The following TNFRSF10B variants were observed in gnomAD, a reference collection of about 807,000 sequenced individuals.
TNFRSF10B encodes tumor necrosis factor receptor superfamily member 10B.
A neutral mutation model predicts 41.4 loss-of-function variants in TNFRSF10B; 35 were observed. The observed-to-expected ratio is 0.85, with a 90% confidence interval of 0.65 to 1.12. The LOEUF (loss-of-function observed/expected upper bound fraction) is 1.12, where lower values mean the gene tolerates loss of function less well. Among genes scored for constraint, TNFRSF10B ranks in the 50% most tolerant of loss-of-function variants. TNFRSF10B has a pLI of 0.00. For synonymous variants in TNFRSF10B, 230 were observed against 215.5 expected (o/e 1.07, Z -0.59); for missense variants, 584 against 552.7 (o/e 1.06, Z -0.57).
At chr8:23,044,282 C>G (rs1267309267) in intron 1 of TNFRSF10B, among the ~76,000 whole-genome samples, 3 of 152,102 alleles carry the variant, frequency 2.0e-5, no homozygotes, top group Non-Finnish European at 4.4e-5. Flanking sequence ...TGAATGTGAT[C>G]CCCAAAACAC....
rs982283486 is a variant in TNFRSF10B at position 23,020,444 on chromosome 8, C to G, written c.*2227G>C. On this transcript the variant is annotated 3_prime_UTR_variant, in exon 9 of 9. Coordinates refer to ENST00000276431, the MANE Select transcript of TNFRSF10B (RefSeq NM_003842.5). Reference sequence around the variant, plus strand: ...TGGCTGGTGGCTCACGCCTGTAATCCCAGCACTTTCGGAGGCCAAGGTGGA... The same window carrying G: ...TGGCTGGTGGCTCACGCCTGTAATCGCAGCACTTTCGGAGGCCAAGGTGGA... 26 of 453,972 alleles carry G rather than the reference C, an allele frequency of 5.7e-5. No individual in the cohort carries two copies. Among genetic ancestry groups the G allele is most frequent in the Non-Finnish European group, 1.1e-4 (24 of 226,790 alleles). The allele number at this position is 453,972 out of a possible 1,614,324, so 28.1% of individuals were successfully genotyped here.
intron 1 of TNFRSF10B, among the ~76,000 whole-genome samples, chr8:23,059,651 C>A (rs145769344): frequency 1.7e-3 from 257 of 151,800 alleles, no homozygotes; most frequent in Non-Finnish European, 3.1e-3. Context: ...GGACTACAGG[C>A]GCCTGCCACC....
At chr8:23,047,147 C>T (rs532921402) in intron 1 of TNFRSF10B, among the ~76,000 whole-genome samples, 4 of 152,166 alleles carry the variant, frequency 2.6e-5, no homozygotes, top group South Asian at 4.1e-4. Flanking sequence ...AACCTGAGGT[C>T]GGGAGTTCAA....
intron 1 of TNFRSF10B, among the ~76,000 whole-genome samples, chr8:23,065,822 G>GA (rs896265309): frequency 2.7e-5 from 4 of 149,306 alleles, no homozygotes; most frequent in South Asian, 2.1e-4. Flanking sequence ...TACTATGCAT[G>GA]AAAAAAAAAG....
chr8:23,030,180 C>A lies in TNFRSF10B; in HGVS notation c.365-459G>T, dbSNP rs375343710. 3.3e-5 allele frequency among the ~76,000 whole-genome samples: 5 copies of A among 152,334 alleles called. No individual in the cohort carries two copies. The South Asian group carries it at 6.2e-4, about 19-fold the overall frequency. Reference sequence around the variant, plus strand: ...CAGGGGAGAGAGCCTGGCCCCAAAGCAGACCTGTGCCACTGCTGAGATCCA... The same window carrying A: ...CAGGGGAGAGAGCCTGGCCCCAAAGAAGACCTGTGCCACTGCTGAGATCCA... On this transcript the variant is annotated intron_variant, in intron 3 of 8. Coordinates refer to ENST00000276431, the MANE Select transcript of TNFRSF10B (RefSeq NM_003842.5).
chr8:23,050,837 G>A (rs970847375), intron 1 of TNFRSF10B, among the ~76,000 whole-genome samples: 1 of 152,132 alleles, frequency 6.6e-6, no homozygotes, highest in African/African-American at 2.4e-5. Flanking sequence ...ACTTTGGAAG[G>A]CCGAGGCGGG....
chr8:23,037,557 G>T (rs1161635477), intron 2 of TNFRSF10B, among the ~76,000 whole-genome samples: 1 of 152,196 alleles, frequency 6.6e-6, no homozygotes, highest in African/African-American at 2.4e-5. Flanking sequence ...CACAGTCATG[G>T]TATTCACACA....
At position 23,024,222 on chromosome 8, in the gene TNFRSF10B, C is replaced by G. The variant is rs1200981003; in HGVS notation, c.975G>C (p.Leu325=). 1 of 1,614,102 alleles carries G rather than the reference C, an allele frequency of 6.2e-7. No homozygotes were observed. Among genetic ancestry groups the G allele is most frequent in the Non-Finnish European group, 8.5e-7 (1 of 1,179,996 alleles). ...GATCACCTTCATTTGCTGGAACCAG[C>G]AGCCTCCTCCTCTGAGACCTTTCAG... ...AEAERSQRRR[L]LVPANEGDPT... The change falls in exon 8 of 9, where the codon CTG becomes CTC. Residue 325 remains leucine, a synonymous_variant. Coordinates refer to ENST00000276431, the MANE Select transcript of TNFRSF10B (RefSeq NM_003842.5).
intron 2 of TNFRSF10B, among the ~76,000 whole-genome samples, chr8:23,031,810 A>C (rs1811892542): frequency 6.6e-6 from 1 of 152,196 alleles, no homozygotes; most frequent in Non-Finnish European, 1.5e-5. Context: ...TTAAATATGT[A>C]ATCCACATAA....
intron 1 of TNFRSF10B, among the ~76,000 whole-genome samples, chr8:23,058,567 C>T (rs1172281781): frequency 6.6e-6 from 1 of 151,750 alleles, no homozygotes; most frequent in African/African-American, 2.4e-5. Flanking sequence ...CTCACCACAA[C>T]CTCTGCCTCC....
intron 2 of TNFRSF10B, among the ~76,000 whole-genome samples, chr8:23,031,377 A>C (rs1225545418): frequency 8.2e-6 from 1 of 121,428 alleles, no homozygotes; most frequent in Non-Finnish European, 1.7e-5. Context: ...CACCCGGCCT[A>C]TTTATTTATT....
Position 23,022,527 on chromosome 8 carries a change from A to C in TNFRSF10B, c.*144T>G, listed in dbSNP as rs4529462. The C allele has an allele frequency of 1.5e-5, 13 of 844,878 alleles. No individual in the cohort carries two copies. The allele number at this position is 844,878 out of a possible 1,614,324, so 52.3% of individuals were successfully genotyped here. ...TGAAAAGTTACAGGATGTTCCATCC[A>C]CTGGGTGATGTTGGATGGGAGAGTT... On this transcript the variant is annotated 3_prime_UTR_variant, in exon 9 of 9. Transcript: ENST00000276431.
chr8:23,049,466 C>G (rs1297005848), intron 1 of TNFRSF10B, among the ~76,000 whole-genome samples: 7 of 152,092 alleles, frequency 4.6e-5, no homozygotes, highest in African/African-American at 1.4e-4. Context: ...TAGCAGGAGA[C>G]AAGATAAGGG....
chr8:23,029,339 C>A (rs183610030), intron 4 of TNFRSF10B, among the ~76,000 whole-genome samples: 56 of 152,342 alleles, frequency 3.7e-4, no homozygotes, highest in Non-Finnish European at 6.5e-4. Flanking sequence ...TAAATCATTT[C>A]ATGGGCCCCT....
In TNFRSF10B at chr8:23,040,426, A is replaced by AAT. The variant is rs1186144314; in HGVS notation, c.250+2710_250+2711dup. On this transcript the variant is annotated intron_variant, in intron 2 of 8. Coordinates refer to ENST00000276431, the MANE Select transcript of TNFRSF10B (RefSeq NM_003842.5). ...ATATATACAAAATATATATTTATTA[A>AAT]ATATATATATACAAAATATATATTT... Among the ~76,000 whole-genome samples, 3 of 82,876 alleles carry AAT rather than the reference A, an allele frequency of 3.6e-5. 1 individual carries two copies. The highest frequency in any genetic ancestry group is 8.7e-5 in the Non-Finnish European group (3 of 34,482). The allele number at this position is 82,876 out of a possible 152,430, so 54.4% of individuals were successfully genotyped here. A position where few individuals can be genotyped will look rare whatever the true frequency, so the allele number is the denominator to read the frequency against.
chr8:23,033,268 G>A (rs1811930737), intron 2 of TNFRSF10B, among the ~76,000 whole-genome samples: 1 of 152,134 alleles, frequency 6.6e-6, no homozygotes. Flanking sequence ...TTAGATAATA[G>A]CTCAAAGGCA....
intron 1 of TNFRSF10B, among the ~76,000 whole-genome samples, chr8:23,055,090 C>A (rs1280431585): frequency 6.6e-6 from 1 of 152,106 alleles, no homozygotes. Flanking sequence ...TCTAATTTTT[C>A]TGGCTGCAAG....
intron 1 of TNFRSF10B, among the ~76,000 whole-genome samples, chr8:23,048,119 G>A (rs533456322): frequency 1.3e-5 from 2 of 152,162 alleles, no homozygotes; most frequent in Admixed American, 6.6e-5. Context: ...GAGAAATACT[G>A]TATGTTTTCA....
intron 7 of TNFRSF10B, among the ~76,000 whole-genome samples, chr8:23,026,903 T>C (rs1811719689): frequency 6.6e-6 from 1 of 152,096 alleles, no homozygotes; most frequent in East Asian, 1.9e-4. Flanking sequence ...CCTGTGGAGC[T>C]CCAGGCTCGG....
Sources: gnomAD v4.1 joint callset for allele counts (sites outside exome capture counted in the v4.1 genomes callset) on GRCh38, gnomAD v4.1.1 for gene constraint, MANE v1.5 for transcripts, NCBI Gene and HGNC (gene_info 2026-07-23, HGNC 2026-07-21) for gene names.